Variants in NAA25 observed in about 807,000 individuals in gnomAD.
NAA25 encodes N-terminal acetyltransferase B complex subunit NAA25.
In NAA25, 30 loss-of-function variants were observed where a neutral mutation model predicts 132.5. That is an observed-to-expected ratio of 0.23 (90% CI 0.17 to 0.31). The LOEUF (loss-of-function observed/expected upper bound fraction) is 0.31, where lower values mean the gene tolerates loss of function less well. Ranked by LOEUF, NAA25 falls within the 10% of genes least tolerant of loss-of-function variation. The probability of loss-of-function intolerance (pLI) is 1.00; values close to 1 mark genes in which losing one functional copy is unlikely to be tolerated. For missense variants in NAA25, 771 were observed against 1,150.4 expected (o/e 0.67, Z 4.77); for synonymous variants, 359 against 401.9 (o/e 0.89, Z 1.28).
chr12:112,076,041 C>G (rs905728877), intron 7 of NAA25, among the ~76,000 whole-genome samples: 2 of 151,998 alleles, frequency 1.3e-5, no homozygotes, highest in African/African-American at 4.8e-5. Flanking sequence ...TGCCACCACG[C>G]CTGGCTAATT....
chr12:112,047,382 C>G (rs2078402190), intron 17 of NAA25, among the ~76,000 whole-genome samples: 1 of 152,054 alleles, frequency 6.6e-6, no homozygotes, highest in South Asian at 2.1e-4. Context: ...CAGGCACACG[C>G]CACCACGCCC....
At chr12:112,077,724 A>G (rs569810157) in intron 7 of NAA25, among the ~76,000 whole-genome samples, 1 of 152,274 alleles carries the variant, frequency 6.6e-6, no homozygotes, top group South Asian at 2.1e-4. Flanking sequence ...CAAATAAAGA[A>G]GGAATGTTTG....
intron 11 of NAA25, among the ~76,000 whole-genome samples, chr12:112,067,878 C>T (rs550020707): frequency 8.6e-5 from 13 of 151,768 alleles, no homozygotes; most frequent in African/African-American, 2.2e-4. Flanking sequence ...TGGGTCTACA[C>T]GTGCTCACCA....
intron 7 of NAA25, among the ~76,000 whole-genome samples, chr12:112,077,668 G>A (rs1285786365): frequency 6.6e-6 from 1 of 151,860 alleles, no homozygotes; most frequent in Admixed American, 6.6e-5. Flanking sequence ...ATAAGAGTAT[G>A]CACAGCAGAG....
intron 17 of NAA25, among the ~76,000 whole-genome samples, chr12:112,046,663 G>A (rs1043615234): frequency 2.0e-5 from 3 of 152,292 alleles, no homozygotes. Flanking sequence ...CCTATAGGAA[G>A]ACTGTATAAA....
In NAA25 at chr12:112,061,275, C is replaced by T. The variant is rs2078626632; in HGVS notation, c.1263G>A (p.Thr421=). Residue 421 remains threonine, a synonymous_variant, in exon 12 of 24, where the codon ACG becomes ACA. Transcript: ENST00000261745. ...LQQHLCVVQL[T]RLLGLYHTMD... ...TGGTGTGGTACAAGCCAAGTAACCT[C>T]GTCAGCTGCACCACACACAAATGTT... is the stretch of plus-strand genomic sequence containing the variant. 1.2e-6 allele frequency: 2 copies of T among 1,614,026 alleles called. No homozygotes were observed. The highest frequency in any genetic ancestry group is 8.5e-7 in the Non-Finnish European group (1 of 1,180,036).
At position 112,039,240 on chromosome 12, in the gene NAA25, TG is replaced by T; in HGVS notation, c.2637del (p.Ser880AlafsTer21). ...LQKKKKKKKE[T>X]SIIMPPVFTS... ...GTTACTGTTATTACCATGATGATGC[TG>T]GTTTCTTTTTTCTTCTTTTTCTTTT... On this transcript the variant is annotated frameshift_variant, in exon 22 of 24. Coordinates refer to ENST00000261745, the MANE Select transcript of NAA25 (RefSeq NM_024953.4). LOFTEE classifies it high-confidence loss of function. 1 of 1,584,864 alleles carries T rather than the reference TG, an allele frequency of 6.3e-7. No individual in the cohort carries two copies. Among genetic ancestry groups the T allele is most frequent in the Non-Finnish European group, 8.6e-7 (1 of 1,159,976 alleles).
chr12:112,032,746 A>G (rs760000317), intron 23 of NAA25, among the ~76,000 whole-genome samples: 6 of 152,188 alleles, frequency 3.9e-5, no homozygotes, highest in Non-Finnish European at 5.9e-5. Context: ...ATATCAGAAG[A>G]CATTTGATGG....
At chr12:112,053,031 T>C (rs2078490076) in intron 15 of NAA25, among the ~76,000 whole-genome samples, 1 of 152,250 alleles carries the variant, frequency 6.6e-6, no homozygotes, top group Admixed American at 6.5e-5. Context: ...CCTTTCATTA[T>C]GGCACAGAGA....
intron 11 of NAA25, 111 bp downstream of exon 11, chr12:112,068,769 T>C: frequency 1.6e-6 from 1 of 623,366 alleles, no homozygotes; most frequent in South Asian, 2.2e-5. Context: ...GTTATCATTG[T>C]ATCTCATGAT....
chr12:112,051,168 T>G (rs2078459669), intron 15 of NAA25, among the ~76,000 whole-genome samples: 1 of 152,190 alleles, frequency 6.6e-6, no homozygotes, highest in African/African-American at 2.4e-5. Flanking sequence ...AGTCTCTATC[T>G]GGCACTCAAC....
At position 112,084,683 on chromosome 12, in the gene NAA25, G is replaced by A. The variant is rs537389924; in HGVS notation, c.402+3000C>T. 2.9e-3 allele frequency among the ~76,000 whole-genome samples: 439 copies of A among 152,074 alleles called. 1 individual carries two copies. The highest frequency in any genetic ancestry group is 4.7e-3 in the Non-Finnish European group (320 of 68,002). ...CGCGTGCCTGTAGTCCCAGCTACTC[G>A]GGAGGCTGAGACAGGAGGATCTCCT... On this transcript the variant is annotated intron_variant, in intron 4 of 23. Transcript: ENST00000261745.
At chr12:112,031,250 A>C (rs2136793250) in intron 23 of NAA25, among the ~76,000 whole-genome samples, 1 of 152,358 alleles carries the variant, frequency 6.6e-6, no homozygotes, top group East Asian at 1.9e-4. Flanking sequence ...CCTTATTCAC[A>C]GTGTTTCAAA....
chr12:112,081,391 T>G lies in NAA25; in HGVS notation c.403-257A>C, dbSNP rs529455467. Among the ~76,000 whole-genome samples the G allele has an allele frequency of 2.2e-4, 34 of 152,330 alleles. No homozygotes were observed. In the South Asian group the frequency reaches 6.6e-3, roughly 30 times the overall value. ...CCAACATTTCCAGAATATGCTGCAATCCAATATAGTTCTAGGAGACTACAA... is the reference window on the plus strand; with the variant it reads ...CCAACATTTCCAGAATATGCTGCAAGCCAATATAGTTCTAGGAGACTACAA... On this transcript the variant is annotated intron_variant, in intron 4 of 23. Coordinates refer to ENST00000261745, the MANE Select transcript of NAA25 (RefSeq NM_024953.4).
At chr12:112,090,934 T>C (rs2079119089) in intron 2 of NAA25, 70 bp from the exon 3 acceptor site, 23 of 1,446,814 alleles carry the variant, frequency 1.6e-5, no homozygotes, top group Non-Finnish European at 2.1e-5. Flanking sequence ...AGAAAGCCGA[T>C]CTGAAAGAAC....
chr12:112,062,753 A>G (rs1476314089), intron 11 of NAA25, among the ~76,000 whole-genome samples: 1 of 152,020 alleles, frequency 6.6e-6, no homozygotes, highest in Non-Finnish European at 1.5e-5. Flanking sequence ...AAATCCACAC[A>G]GATCAAGAAT....
intron 11 of NAA25, among the ~76,000 whole-genome samples, chr12:112,067,370 T>C (rs914962820): frequency 2.0e-5 from 3 of 152,140 alleles, no homozygotes; most frequent in Admixed American, 2.0e-4. Context: ...ATCTAAGATA[T>C]ATAAAAATCT....
intron 1 of NAA25, among the ~76,000 whole-genome samples, chr12:112,103,130 G>T (rs1412892847): frequency 1.3e-5 from 2 of 152,152 alleles, no homozygotes; most frequent in Non-Finnish European, 2.9e-5. Context: ...GGGGTTACAG[G>T]CGCCTGCCAC....
chr12:112,033,542 G>C, intron 22 of NAA25, 163 bp from the exon 23 acceptor site: 1 of 481,948 alleles, frequency 2.1e-6, no homozygotes, highest in Non-Finnish European at 3.5e-6. Context: ...GACATTTGGA[G>C]ATACAAAATA....
Sources: allele counts gnomAD v4.1 joint callset (sites outside exome capture counted in the v4.1 genomes callset), GRCh38; gene constraint gnomAD v4.1.1; transcripts MANE v1.5; gene names NCBI Gene and HGNC (gene_info 2026-07-23, HGNC 2026-07-21).